Variants in SLC44A1 observed in about 807,000 individuals in gnomAD.
SLC44A1 encodes the protein solute carrier family 44 member 1.
A neutral mutation model predicts 79.3 loss-of-function variants in SLC44A1; 26 were observed. That is an observed-to-expected ratio of 0.33 (90% CI 0.24 to 0.46). SLC44A1 has a LOEUF of 0.46. SLC44A1 is among the 20% of genes least tolerant of loss of function. The pLI, the probability that SLC44A1 is intolerant of heterozygous loss-of-function variation, is 1.00. For missense variants in SLC44A1, 688 were observed against 798.1 expected, an observed-to-expected ratio of 0.86 and a Z score of 1.66; for synonymous variants, 263 against 286.2, an observed-to-expected ratio of 0.92 and a Z score of 0.82.
At chr9:105,351,407 G>A (rs1273613629) in intron 5 of SLC44A1, among the ~76,000 whole-genome samples, 1 of 151,900 alleles carries the variant, frequency 6.6e-6, no homozygotes, top group Non-Finnish European at 1.5e-5. Flanking sequence ...GGTGGTGCAT[G>A]CCTGTAATCC....
chr9:105,380,394 C>T (rs1473998458), intron 13 of SLC44A1, among the ~76,000 whole-genome samples: 1 of 151,802 alleles, frequency 6.6e-6, no homozygotes, highest in Non-Finnish European at 1.5e-5. Flanking sequence ...TGTGCCCAGG[C>T]TGGTCTTGAA....
At chr9:105,249,922 G>A (rs1239347280) in intron 1 of SLC44A1, among the ~76,000 whole-genome samples, 3 of 145,676 alleles carry the variant, frequency 2.1e-5, no homozygotes, top group Non-Finnish European at 4.5e-5. Flanking sequence ...AGGCTAGAGT[G>A]CAATGGCATG....
chr9:105,350,842 C>G (rs10991636), intron 5 of SLC44A1, among the ~76,000 whole-genome samples: 3,914 of 152,304 alleles, frequency 0.026, 54 homozygotes, highest in Middle Eastern at 0.061. Flanking sequence ...TTTGGCCCAT[C>G]TTTCTTGGGT....
intron 5 of SLC44A1, among the ~76,000 whole-genome samples, chr9:105,348,929 G>C (rs1827321513): frequency 6.6e-6 from 1 of 152,082 alleles, no homozygotes; most frequent in African/African-American, 2.4e-5. Context: ...AACATTCTCT[G>C]TATTAGGTTG....
chr9:105,286,786 A>C (rs1233390468), intron 1 of SLC44A1, among the ~76,000 whole-genome samples: 1 of 152,098 alleles, frequency 6.6e-6, no homozygotes, highest in Admixed American at 6.6e-5. Context: ...AACATAAACG[A>C]GACCCCATCT....
chr9:105,325,960 G>T (rs2089808), intron 3 of SLC44A1, among the ~76,000 whole-genome samples: 1 of 151,872 alleles, frequency 6.6e-6, no homozygotes, highest in Non-Finnish European at 1.5e-5. Flanking sequence ...GAAATTTCTG[G>T]CCATTGGCCC....
At chr9:105,344,494 A>G (rs1827188768) in intron 4 of SLC44A1, among the ~76,000 whole-genome samples, 1 of 152,194 alleles carries the variant, frequency 6.6e-6, no homozygotes. Flanking sequence ...CCCTACAACC[A>G]AGAATTGTCC....
chr9:105,430,084 T>A (rs1564061189), intron 15 of SLC44A1, among the ~76,000 whole-genome samples: 1 of 152,046 alleles, frequency 6.6e-6, no homozygotes, highest in Non-Finnish European at 1.5e-5. Flanking sequence ...ATTTTTAAAT[T>A]TTTTGTAGAG....
intron 1 of SLC44A1, among the ~76,000 whole-genome samples, chr9:105,291,178 A>G (rs1009831309): frequency 1.3e-5 from 2 of 152,246 alleles, no homozygotes; most frequent in Non-Finnish European, 2.9e-5. Context: ...AAAATGATAT[A>G]CATCAGCTCT....
intron 2 of SLC44A1, among the ~76,000 whole-genome samples, chr9:105,301,062 A>C (rs900940356): frequency 6.6e-6 from 1 of 152,114 alleles, no homozygotes; most frequent in East Asian, 1.9e-4. Flanking sequence ...GAGCCACCGC[A>C]CCCTGCCATA....
chr9:105,284,963 A>G (rs569579483), intron 1 of SLC44A1, among the ~76,000 whole-genome samples: 3 of 152,262 alleles, frequency 2.0e-5, no homozygotes, highest in East Asian at 1.9e-4. Context: ...TTCTGTCTCT[A>G]TAGATTTGCC....
At chr9:105,286,583 T>C (rs1303129245) in intron 1 of SLC44A1, among the ~76,000 whole-genome samples, 1 of 152,216 alleles carries the variant, frequency 6.6e-6, no homozygotes, top group Non-Finnish European at 1.5e-5. Context: ...TTTTGATTGA[T>C]CTATAATCTT....
chr9:105,259,316 A>G (rs1829787723), intron 1 of SLC44A1, among the ~76,000 whole-genome samples: 1 of 152,334 alleles, frequency 6.6e-6, no homozygotes, highest in South Asian at 2.1e-4. Context: ...ATGTTTAGTC[A>G]GTCTTTGGAG....
intron 15 of SLC44A1, among the ~76,000 whole-genome samples, chr9:105,433,625 G>T (rs947804311): frequency 1.5e-5 from 1 of 64,704 alleles, no homozygotes; most frequent in Admixed American, 2.1e-4. Context: ...CCACTCCCCC[G>T]CCGCCCCTGC....
rs909298265 is a variant in SLC44A1 at position 105,395,250 on chromosome 9, C to T, written c.*6194C>T. 1.2e-4 allele frequency: 112 copies of T among 925,864 alleles called. No homozygotes were observed. Among genetic ancestry groups the T allele is most frequent in the African/African-American group, 4.5e-4 (25 of 55,860 alleles). The allele number at this position is 925,864 out of a possible 1,614,324, so 57.4% of individuals were successfully genotyped here. A position where few individuals can be genotyped will look rare whatever the true frequency, so the allele number is the denominator to read the frequency against. On this transcript the variant is annotated 3_prime_UTR_variant, in exon 16 of 16. Coordinates refer to ENST00000374720, the MANE Select transcript of SLC44A1 (RefSeq NM_080546.5). ...TTGGTGTTTTTTTGAGACGGAGTCTCGCTCTATCGCCAGCTTAGAGTGCAG... is the reference window on the plus strand; with the variant it reads ...TTGGTGTTTTTTTGAGACGGAGTCTTGCTCTATCGCCAGCTTAGAGTGCAG...
chr9:105,368,942 G>A (rs1003185243), intron 12 of SLC44A1, among the ~76,000 whole-genome samples: 2 of 152,174 alleles, frequency 1.3e-5, no homozygotes, highest in Non-Finnish European at 2.9e-5. Flanking sequence ...GGAGGCCGAG[G>A]CAGGAGAATC....
chr9:105,320,955 A>C (rs1178996793), intron 3 of SLC44A1, among the ~76,000 whole-genome samples: 1 of 152,180 alleles, frequency 6.6e-6, no homozygotes, highest in Non-Finnish European at 1.5e-5. Context: ...ATGAGCACTA[A>C]ATCTGTATAC....
intron 13 of SLC44A1, among the ~76,000 whole-genome samples, chr9:105,377,512 A>C (rs908013619): frequency 7.9e-5 from 12 of 152,030 alleles, no homozygotes; most frequent in Non-Finnish European, 1.6e-4. Context: ...GCACTTTGGG[A>C]GGCCAAGGCG....
chr9:105,354,006 A>G (rs539368093), intron 5 of SLC44A1, among the ~76,000 whole-genome samples: 11 of 146,476 alleles, frequency 7.5e-5, no homozygotes, highest in Admixed American at 5.4e-4. Context: ...GTCACACATC[A>G]GCTTCTATTG....
Sources: allele counts gnomAD v4.1 joint callset (sites outside exome capture counted in the v4.1 genomes callset), GRCh38; gene constraint gnomAD v4.1.1; transcripts MANE v1.5; gene names NCBI Gene and HGNC (gene_info 2026-07-23, HGNC 2026-07-21).